SYN3: variants seen among roughly 807,000 people sequenced by gnomAD.
SYN3 encodes the protein synapsin-3.
Under a neutral mutation model 65.8 loss-of-function variants are expected in SYN3, and 35 were observed. The ratio of observed to expected loss-of-function variants is 0.53; its 90% CI spans 0.41 to 0.70. SYN3 has a LOEUF of 0.70. SYN3 is among the 30% of genes least tolerant of loss of function. The pLI is 0.00. For missense variants in SYN3, 680 were observed against 749.0 expected (o/e 0.91, Z 1.08); for synonymous variants, 270 against 292.9 (o/e 0.92, Z 0.80).
intron 3 of SYN3, among the ~76,000 whole-genome samples, chr22:32,978,166 T>G (rs2052263536): frequency 6.6e-6 from 1 of 152,094 alleles, no homozygotes; most frequent in Non-Finnish European, 1.5e-5. Context: ...GTTGTGAGGC[T>G]GTTGATGAGG....
rs748100358 is a variant in SYN3, at chr22:32,837,222, G to A, written c.711+27693C>T. Among the ~76,000 whole-genome samples the A allele has an allele frequency of 4.6e-5, 7 of 152,188 alleles. No homozygotes were observed. Among genetic ancestry groups the A allele is most frequent in the Non-Finnish European group, 7.3e-5 (5 of 68,036 alleles). ...TATTTTTCTGGGCACTGCTTCAAAG[G>A]GGCTGTGGTTGAAGACCATGCTGCT... is the stretch of plus-strand genomic sequence containing the variant. On this transcript the variant is annotated intron_variant, in intron 6 of 13. Coordinates refer to ENST00000358763, the MANE Select transcript of SYN3 (RefSeq NM_003490.4). This position sits in a 1 kb window ranked among gnomAD's most constrained non-coding sequence, Gnocchi z 4.1.
At chr22:32,918,676 C>G (rs1443080707) in intron 4 of SYN3, among the ~76,000 whole-genome samples, 3 of 152,188 alleles carry the variant, frequency 2.0e-5, no homozygotes, top group Non-Finnish European at 2.9e-5. Flanking sequence ...GACATGAGAT[C>G]AGAAACTCAG....
At chr22:32,953,945 T>G (rs1423942214) in intron 3 of SYN3, among the ~76,000 whole-genome samples, 1 of 152,136 alleles carries the variant, frequency 6.6e-6, no homozygotes, top group Non-Finnish European at 1.5e-5. Flanking sequence ...AATTTCTTAA[T>G]GGCAAAGTTT....
At chr22:32,788,441 T>C (rs1485443394) in intron 6 of SYN3, among the ~76,000 whole-genome samples, 2 of 151,992 alleles carry the variant, frequency 1.3e-5, no homozygotes, top group Non-Finnish European at 2.9e-5. Flanking sequence ...CTCAGGAGGC[T>C]GAGGCAGGAG....
chr22:32,988,307 A>AAATAAT (rs58058197), intron 2 of SYN3, among the ~76,000 whole-genome samples: 4,983 of 142,482 alleles, frequency 0.035, 149 homozygotes, highest in African/African-American at 0.074. Context: ...CTCTGTCTCA[A>AAATAAT]AATAATAATA....
chr22:32,985,767 T>G (rs770222276), intron 2 of SYN3, among the ~76,000 whole-genome samples: 1 of 152,148 alleles, frequency 6.6e-6, no homozygotes, highest in East Asian at 1.9e-4. Context: ...TCCAAATTCC[T>G]GTGCTTCTCT....
At chr22:32,628,974 G>C (rs879826895) in intron 6 of SYN3, among the ~76,000 whole-genome samples, 6 of 152,154 alleles carry the variant, frequency 3.9e-5, no homozygotes, top group Non-Finnish European at 8.8e-5. Context: ...AGGGCTCCTA[G>C]ACCTGGGCAG....
At position 32,815,043 on chromosome 22, in the gene SYN3, A is replaced by G. The variant is rs540220239; in HGVS notation, c.711+49872T>C. Among the ~76,000 whole-genome samples the G allele has an allele frequency of 6.2e-4, 95 of 152,372 alleles. 1 individual carries two copies. The highest frequency in any genetic ancestry group is 2.2e-3 in the African/African-American group (93 of 41,594). On this transcript the variant is annotated intron_variant, in intron 6 of 13. Coordinates refer to ENST00000358763, the MANE Select transcript of SYN3 (RefSeq NM_003490.4). ...CATCCATTATGTATTTTACACTCATAGCATATCTCAGTTTGGACTAGTTGC... is the reference window on the plus strand; with the variant it reads ...CATCCATTATGTATTTTACACTCATGGCATATCTCAGTTTGGACTAGTTGC...
intron 6 of SYN3, 47 bp from the exon 7 acceptor site, chr22:32,596,783 C>T: frequency 6.4e-7 from 1 of 1,559,986 alleles, no homozygotes; most frequent in Non-Finnish European, 8.8e-7. Context: ...AGAGCATTGC[C>T]ACCAAGGCTC....
At chr22:32,515,386 G>A (rs568901879) in intron 13 of SYN3, among the ~76,000 whole-genome samples, 19 of 152,264 alleles carry the variant, frequency 1.2e-4, no homozygotes, top group African/African-American at 2.9e-4. Context: ...AACCCTGTGC[G>A]GTTATTGTCC....
chr22:32,643,774 T>C (rs1288715664), intron 6 of SYN3, among the ~76,000 whole-genome samples: 2 of 151,592 alleles, frequency 1.3e-5, no homozygotes, highest in African/African-American at 4.8e-5. Context: ...GTTCAGAGCA[T>C]TTACTGAGAG....
intron 7 of SYN3, among the ~76,000 whole-genome samples, chr22:32,572,375 C>T (rs1311011088): frequency 2.7e-4 from 28 of 104,332 alleles, no homozygotes; most frequent in African/African-American, 4.5e-4. Context: ...TCCACCCTCC[C>T]TCCCATCTTT....
intron 7 of SYN3, among the ~76,000 whole-genome samples, chr22:32,547,478 C>T (rs2058352156): frequency 6.6e-6 from 1 of 152,100 alleles, no homozygotes; most frequent in Non-Finnish European, 1.5e-5. Context: ...TTCTTCATTC[C>T]TTCCTCTCTG....
At chr22:32,641,444 T>C (rs2059897805) in intron 6 of SYN3, among the ~76,000 whole-genome samples, 1 of 151,642 alleles carries the variant, frequency 6.6e-6, no homozygotes, top group African/African-American at 2.4e-5. Flanking sequence ...CTGTCTCTAC[T>C]AAAAATACAA....
intron 6 of SYN3, among the ~76,000 whole-genome samples, chr22:32,606,009 A>G (rs1293059613): frequency 6.6e-6 from 1 of 152,216 alleles, no homozygotes; most frequent in Non-Finnish European, 1.5e-5. Context: ...TTGGTCACTG[A>G]GGAGTTGGTC....
intron 9 of SYN3, 112 bp downstream of exon 9, chr22:32,537,924 T>TG (rs1569016915): frequency 1.1e-6 from 1 of 876,498 alleles, no homozygotes; most frequent in Non-Finnish European, 1.9e-6. Context: ...CTGTGGATGG[T>TG]GAGGCACTGG....
intron 3 of SYN3, among the ~76,000 whole-genome samples, chr22:32,941,838 G>T (rs898470384): frequency 6.6e-6 from 1 of 152,224 alleles, no homozygotes; most frequent in Non-Finnish European, 1.5e-5. Context: ...CGCCCACGGA[G>T]CCTCGCTCAT....
intron 6 of SYN3, among the ~76,000 whole-genome samples, chr22:32,708,970 G>A (rs1466030469): frequency 6.6e-6 from 1 of 152,184 alleles, no homozygotes; most frequent in Non-Finnish European, 1.5e-5. Flanking sequence ...ATGGAAGAGA[G>A]AATCACTCGA....
At chr22:32,907,739 G>A (rs887171080) in intron 4 of SYN3, among the ~76,000 whole-genome samples, 8 of 152,150 alleles carry the variant, frequency 5.3e-5, no homozygotes, top group African/African-American at 1.7e-4. Flanking sequence ...TAAAAACCTT[G>A]CTCTAATGGA....
Sources: allele counts gnomAD v4.1 joint callset (sites outside exome capture counted in the v4.1 genomes callset), GRCh38; gene constraint gnomAD v4.1.1; non-coding constraint Gnocchi (gnomAD v3.1); transcripts MANE v1.5; gene names NCBI Gene and HGNC (gene_info 2026-07-23, HGNC 2026-07-21).